The following CACNA2D3 variants were observed in gnomAD, a reference collection of about 807,000 sequenced individuals.
CACNA2D3 encodes the protein calcium voltage-gated channel auxiliary subunit alpha2delta 3, also known as voltage-dependent calcium channel subunit alpha-2/delta-3.
In CACNA2D3, 60 loss-of-function variants were observed where a neutral mutation model predicts 160.6. The ratio of observed to expected loss-of-function variants is 0.37; its 90% CI spans 0.30 to 0.46. The LOEUF (loss-of-function observed/expected upper bound fraction) is 0.46. CACNA2D3 is among the 20% of genes least tolerant of loss of function. The pLI is 1.00. For missense variants in CACNA2D3, 1,205 were observed against 1,365.0 expected (o/e 0.88, Z 1.85); for synonymous variants, 558 against 492.9 (o/e 1.13, Z -1.75).
chr3:54,325,362 A>G (rs1704100891), intron 3 of CACNA2D3, among the ~76,000 whole-genome samples: 1 of 152,230 alleles, frequency 6.6e-6, no homozygotes, highest in South Asian at 2.1e-4. Flanking sequence ...AGGAAATGAC[A>G]AAAAGACTTT....
chr3:55,050,875 C>T (rs1704185987), intron 35 of CACNA2D3, among the ~76,000 whole-genome samples: 1 of 134,026 alleles, frequency 7.5e-6, no homozygotes, highest in Admixed American at 7.2e-5. Context: ...TGCTGATACC[C>T]TTTCTTCCAG....
intron 5 of CACNA2D3, among the ~76,000 whole-genome samples, chr3:54,520,819 A>T (rs1457157669): frequency 6.6e-6 from 1 of 152,138 alleles, no homozygotes; most frequent in Non-Finnish European, 1.5e-5. Flanking sequence ...CTGTCCCTAT[A>T]GATTTACCTT....
At chr3:54,956,414 C>T (rs1701894146) in intron 27 of CACNA2D3, among the ~76,000 whole-genome samples, 1 of 152,208 alleles carries the variant, frequency 6.6e-6, no homozygotes, top group African/African-American at 2.4e-5. Flanking sequence ...AGAATAATTA[C>T]CAGTTTTTGT....
intron 2 of CACNA2D3, among the ~76,000 whole-genome samples, chr3:54,240,092 G>A (rs528398483): frequency 6.6e-6 from 1 of 152,304 alleles, no homozygotes; most frequent in Admixed American, 6.5e-5. Context: ...TGGCATTTAT[G>A]ACAACAGCGT....
intron 23 of CACNA2D3, among the ~76,000 whole-genome samples, chr3:54,887,647 A>G (rs75345033): frequency 0.023 from 3,561 of 152,164 alleles, 142 homozygotes; most frequent in African/African-American, 0.081. Context: ...TCTGGTCTCC[A>G]AATCTGGGAC....
intron 11 of CACNA2D3, among the ~76,000 whole-genome samples, chr3:54,693,692 G>A (rs1375981288): frequency 6.6e-6 from 1 of 152,168 alleles, no homozygotes; most frequent in African/African-American, 2.4e-5. Flanking sequence ...GGGACAAGAG[G>A]TGGAGGTAGA....
At chr3:54,187,714 C>T (rs1209741700) in intron 2 of CACNA2D3, among the ~76,000 whole-genome samples, 2 of 152,216 alleles carry the variant, frequency 1.3e-5, no homozygotes. Flanking sequence ...GAAACTGTTC[C>T]GTCTCAGATC....
At chr3:54,393,184 G>C (rs1402726052) in intron 4 of CACNA2D3, among the ~76,000 whole-genome samples, 1 of 152,164 alleles carries the variant, frequency 6.6e-6, no homozygotes, top group Non-Finnish European at 1.5e-5. Flanking sequence ...GTGGAAAAAA[G>C]GTGAGCAAGA....
At chr3:54,943,902 G>A (rs899427399) in intron 27 of CACNA2D3, among the ~76,000 whole-genome samples, 1 of 151,978 alleles carries the variant, frequency 6.6e-6, no homozygotes, top group African/African-American at 2.4e-5. Context: ...TCTCATTTAG[G>A]TGATGAACAT....
chr3:54,355,527 G>T (rs957471668), intron 3 of CACNA2D3, among the ~76,000 whole-genome samples: 1 of 150,228 alleles, frequency 6.7e-6, no homozygotes, highest in Admixed American at 6.7e-5. Flanking sequence ...GGTTGGCCAT[G>T]GGGGAGCATG....
intron 13 of CACNA2D3, among the ~76,000 whole-genome samples, chr3:54,810,395 GT>G (rs1575488812): frequency 6.6e-6 from 1 of 152,156 alleles, no homozygotes; most frequent in African/African-American, 2.4e-5. Context: ...CTTGGCATAG[GT>G]TTTAGAGTTT....
chr3:54,602,003 A>C (rs1703068205), intron 9 of CACNA2D3, among the ~76,000 whole-genome samples: 1 of 152,072 alleles, frequency 6.6e-6, no homozygotes, highest in African/African-American at 2.4e-5. Flanking sequence ...AAAACCAGGC[A>C]CTGATAAACA....
At chr3:54,433,032 G>C (rs1700011673) in intron 4 of CACNA2D3, among the ~76,000 whole-genome samples, 1 of 152,160 alleles carries the variant, frequency 6.6e-6, no homozygotes, top group South Asian at 2.1e-4. Flanking sequence ...ATTTTAATCA[G>C]AATATTATGG....
At chr3:54,169,940 C>A (rs1576975629) in intron 2 of CACNA2D3, among the ~76,000 whole-genome samples, 1 of 152,070 alleles carries the variant, frequency 6.6e-6, no homozygotes, top group South Asian at 2.1e-4. Context: ...GTAATCCCCG[C>A]AGTATGGGTG....
At chr3:54,885,453 G>A (rs2293662) in intron 22 of CACNA2D3, 36 bp from the exon 23 acceptor site, 214,061 of 1,600,164 alleles carry the variant, frequency 0.13, 14,933 homozygotes, top group Middle Eastern at 0.18. Context: ...TGTAAATATT[G>A]ACATGCTCTT....
intron 17 of CACNA2D3, among the ~76,000 whole-genome samples, chr3:54,861,968 A>T (rs1311253428): frequency 6.6e-6 from 1 of 152,190 alleles, no homozygotes; most frequent in Non-Finnish European, 1.5e-5. Flanking sequence ...AAACATTTTT[A>T]AAAAGACATA....
chr3:54,262,761 C>T (rs1702428087), intron 2 of CACNA2D3, among the ~76,000 whole-genome samples: 1 of 152,204 alleles, frequency 6.6e-6, no homozygotes. Context: ...GAAGCCATTA[C>T]TCAAGTAATT....
At chr3:54,864,006 A>G (rs1209053840) in intron 17 of CACNA2D3, among the ~76,000 whole-genome samples, 2 of 152,110 alleles carry the variant, frequency 1.3e-5, no homozygotes, top group Admixed American at 6.5e-5. Context: ...ATCTCCGAAT[A>G]GAGGCTCATT....
chr3:54,530,193 G>C (rs567876626), intron 5 of CACNA2D3, among the ~76,000 whole-genome samples: 56 of 152,270 alleles, frequency 3.7e-4, no homozygotes, highest in African/African-American at 1.3e-3. Flanking sequence ...TGAGACTATG[G>C]GTCCCATCCA....
Sources: allele counts gnomAD v4.1 joint callset (sites outside exome capture counted in the v4.1 genomes callset), GRCh38; gene constraint gnomAD v4.1.1; transcripts MANE v1.5; gene names NCBI Gene and HGNC (gene_info 2026-07-23, HGNC 2026-07-21).